Variants in ROBO2 observed in about 807,000 individuals in gnomAD.
ROBO2 encodes roundabout homolog 2.
A neutral mutation model predicts 160.8 loss-of-function variants in ROBO2; 53 were observed. The observed-to-expected ratio is 0.33, with a 90% CI of 0.26 to 0.41. The LOEUF is 0.41. ROBO2 is among the 10% of genes least tolerant of loss of function. The pLI is 1.00. For missense variants in ROBO2, 1,577 were observed against 1,722.4 expected, an observed-to-expected ratio of 0.92 and a Z score of 1.49; for synonymous variants, 664 against 611.7, an observed-to-expected ratio of 1.09 and a Z score of -1.26.
intron 2 of ROBO2, among the ~76,000 whole-genome samples, chr3:77,209,160 AT>A (rs780254734): frequency 1.3e-5 from 2 of 152,158 alleles, no homozygotes; most frequent in African/African-American, 2.4e-5. Context: ...GGTAATGTTA[AT>A]TTCACACAGC....
chr3:77,143,708 C>A (rs1212809177), intron 2 of ROBO2, among the ~76,000 whole-genome samples: 1 of 152,014 alleles, frequency 6.6e-6, no homozygotes, highest in Non-Finnish European at 1.5e-5. Flanking sequence ...GAGTATTTTT[C>A]TCGCTTGAAA....
intron 2 of ROBO2, among the ~76,000 whole-genome samples, chr3:77,221,088 C>T (rs919789782): frequency 6.6e-6 from 1 of 152,134 alleles, no homozygotes; most frequent in Non-Finnish European, 1.5e-5. Context: ...GCAAGGAAAA[C>T]ATCAGTTATA....
chr3:76,219,925 C>T (rs1050998148), intron 2 of ROBO2, among the ~76,000 whole-genome samples: 11 of 151,962 alleles, frequency 7.2e-5, no homozygotes, highest in African/African-American at 2.7e-4. Context: ...TTGGAACCAA[C>T]CCAAATGTCC....
chr3:76,581,386 G>T (rs2085688885), intron 2 of ROBO2, among the ~76,000 whole-genome samples: 1 of 152,040 alleles, frequency 6.6e-6, no homozygotes, highest in Non-Finnish European at 1.5e-5. Context: ...GAAAGAGAAA[G>T]GAAGGTTTAG....
At chr3:75,929,636 G>C (rs1002254907) in intron 1 of ROBO2, among the ~76,000 whole-genome samples, 3 of 151,518 alleles carry the variant, frequency 2.0e-5, no homozygotes, top group African/African-American at 7.3e-5. Context: ...AAACCCCTTG[G>C]AAATATCAGC....
chr3:76,948,917 T>A (rs1163228644), intron 2 of ROBO2, among the ~76,000 whole-genome samples: 32 of 120,156 alleles, frequency 2.7e-4, no homozygotes, highest in African/African-American at 1.0e-3. Flanking sequence ...TATTTTTTTT[T>A]TTTTTTTTTT....
At chr3:76,536,202 G>A (rs561773887) in intron 2 of ROBO2, among the ~76,000 whole-genome samples, 43 of 152,322 alleles carry the variant, frequency 2.8e-4, no homozygotes, top group African/African-American at 1.0e-3. Context: ...CGTGGCTGAG[G>A]TTTGTCTTAC....
chr3:77,252,946 A>G (rs182797453), intron 2 of ROBO2, among the ~76,000 whole-genome samples: 46 of 150,250 alleles, frequency 3.1e-4, no homozygotes, highest in Admixed American at 2.5e-3. Flanking sequence ...TTGTATGGCT[A>G]GCTGTACTAA....
intron 2 of ROBO2, among the ~76,000 whole-genome samples, chr3:77,387,070 A>G (rs1351797506): frequency 6.6e-6 from 1 of 151,986 alleles, no homozygotes; most frequent in Non-Finnish European, 1.5e-5. Context: ...TGTTAGAGTG[A>G]AATCTTCAGC....
chr3:76,330,387 A>G (rs1207681394), intron 2 of ROBO2, among the ~76,000 whole-genome samples: 3 of 152,182 alleles, frequency 2.0e-5, no homozygotes, highest in African/African-American at 7.2e-5. Flanking sequence ...TGATAGTGTA[A>G]TTATCATGCC....
At chr3:76,108,166 C>T (rs934726633) in intron 2 of ROBO2, among the ~76,000 whole-genome samples, 9 of 152,074 alleles carry the variant, frequency 5.9e-5, no homozygotes, top group African/African-American at 1.9e-4. Context: ...GGGTTGTGTT[C>T]GGAACTGCGA....
chr3:76,477,609 C>T (rs1375063627), intron 2 of ROBO2, among the ~76,000 whole-genome samples: 1 of 151,990 alleles, frequency 6.6e-6, no homozygotes, highest in East Asian at 1.9e-4. Flanking sequence ...ATAACATGTC[C>T]ATTTTTAAAA....
chr3:77,280,204 C>T (rs1039708230), intron 2 of ROBO2, among the ~76,000 whole-genome samples: 2 of 152,100 alleles, frequency 1.3e-5, no homozygotes, highest in African/African-American at 4.8e-5. Flanking sequence ...ATCGCTAACC[C>T]ATCTAAATGT....
chr3:76,820,361 T>A (rs548421563), intron 2 of ROBO2, among the ~76,000 whole-genome samples: 255 of 150,792 alleles, frequency 1.7e-3, no homozygotes, highest in African/African-American at 3.7e-3. Context: ...ATATGAAAAA[T>A]TTTTTTTTTA....
At chr3:77,391,699 C>G (rs971351471) in intron 2 of ROBO2, among the ~76,000 whole-genome samples, 3 of 151,948 alleles carry the variant, frequency 2.0e-5, no homozygotes, top group Non-Finnish European at 4.4e-5. Context: ...AGATGCCATA[C>G]CTCATGAAAA....
intron 2 of ROBO2, among the ~76,000 whole-genome samples, chr3:76,934,548 C>G (rs112623678): frequency 6.6e-6 from 1 of 152,034 alleles, no homozygotes; most frequent in East Asian, 1.9e-4. Context: ...CGATCGAGAC[C>G]GTCCTGGACA....
intron 2 of ROBO2, among the ~76,000 whole-genome samples, chr3:76,682,099 G>A (rs933037067): frequency 1.3e-5 from 2 of 152,040 alleles, no homozygotes; most frequent in South Asian, 2.1e-4. Context: ...GACACATTGC[G>A]GAAATATTTT....
chr3:76,539,824 G>A (rs2082718994), intron 2 of ROBO2, among the ~76,000 whole-genome samples: 1 of 152,182 alleles, frequency 6.6e-6, no homozygotes, highest in African/African-American at 2.4e-5. Context: ...TCCAGAAGAT[G>A]ATAAGAGAAT....
At chr3:76,398,640 A>C in intron 2 of ROBO2, among the ~76,000 whole-genome samples, 1 of 151,474 alleles carries the variant, frequency 6.6e-6, no homozygotes, top group East Asian at 1.9e-4. Flanking sequence ...TATAAATTAT[A>C]GTTTTTAGTA....
Sources: gnomAD v4.1 joint callset for allele counts (sites outside exome capture counted in the v4.1 genomes callset) on GRCh38, gnomAD v4.1.1 for gene constraint, MANE v1.5 for transcripts, NCBI Gene and HGNC (gene_info 2026-07-23, HGNC 2026-07-21) for gene names.